KIF3A: variants seen among roughly 807,000 people sequenced by gnomAD.
KIF3A encodes kinesin family member 3A, also known as kinesin-like protein KIF3A.
KIF3A carries 27 observed loss-of-function variants against 92.6 expected under a neutral mutation model. The observed-to-expected ratio is 0.29, with a 90% CI of 0.21 to 0.40. The LOEUF is 0.40. Ranked by LOEUF, KIF3A falls within the 10% of genes least tolerant of loss-of-function variation. The pLI is 1.00. For synonymous variants in KIF3A, 250 were observed against 275.4 expected (o/e 0.91, Z 0.92); for missense variants, 581 against 872.6 (o/e 0.67, Z 4.21).
At chr5:132,699,643 C>T in intron 17 of KIF3A, 4 of 427,344 alleles carry the variant, frequency 9.4e-6, no homozygotes, top group South Asian at 6.8e-5. Context: ...ACTGCAAGCT[C>T]CACCTCCTGG....
rs756540926 is a variant in KIF3A at position 132,724,792 on chromosome 5, T to TAAAAAAA, written c.510+1329_510+1335dup. ...ATGTACCCTAGAACTTAAAGTATAA[T>TAAAAAAA]AAAAAAAAAAAAAAATATATATATA... On this transcript the variant is annotated intron_variant, in intron 4 of 18. Transcript: ENST00000403231. 2.3e-4 allele frequency among the ~76,000 whole-genome samples: 15 copies of TAAAAAAA among 64,342 alleles called. 1 individual carries two copies. The highest frequency in any genetic ancestry group is 3.2e-4 in the African/African-American group (3 of 9,386). The allele number at this position is 64,342 out of a possible 152,430, so 42.2% of individuals were successfully genotyped here.
chr5:132,728,387 T>G (rs936284431), intron 2 of KIF3A, among the ~76,000 whole-genome samples: 12 of 152,218 alleles, frequency 7.9e-5, no homozygotes, highest in Admixed American at 4.6e-4. Flanking sequence ...TTATTTAACT[T>G]TCACCCCAAT....
chr5:132,703,894 T>C (rs1021993132), intron 11 of KIF3A, among the ~76,000 whole-genome samples: 2 of 151,290 alleles, frequency 1.3e-5, no homozygotes, highest in African/African-American at 2.4e-5. Context: ...AGCTAAATAA[T>C]AGGAAAAGAA....
chr5:132,702,849 G>A, intron 13 of KIF3A, 36 bp downstream of exon 13: 1 of 1,591,742 alleles, frequency 6.3e-7, no homozygotes, highest in Non-Finnish European at 8.6e-7. Context: ...AATCTCTCTG[G>A]CAAAATACCA....
In KIF3A at chr5:132,696,448, A is replaced by G. The variant is rs1445460886; in HGVS notation, c.*186T>C. ...AATTTGAACAATCACCAGTTGTACA[A>G]TTTTAATGTTATATTAATATATGTA... On this transcript the variant is annotated 3_prime_UTR_variant, in exon 19 of 19. Transcript: ENST00000403231. The G allele has an allele frequency of 1.8e-6, 1 of 542,332 alleles. No homozygotes were observed. The highest frequency in any genetic ancestry group is 3.3e-6 in the Non-Finnish European group (1 of 299,608). 33.6% of individuals were successfully genotyped at this position (542,332 alleles called of 1,614,324 possible). A position where few individuals can be genotyped will look rare whatever the true frequency, so the allele number is the denominator to read the frequency against.
chr5:132,719,500 CTT>C (rs200854013), intron 5 of KIF3A, among the ~76,000 whole-genome samples: 20 of 151,452 alleles, frequency 1.3e-4, no homozygotes, highest in African/African-American at 4.1e-4. Context: ...TCTAATCCCT[CTT>C]TTTTTCTTTT....
At chr5:132,710,851 A>T (rs1447392994) in intron 9 of KIF3A, 108 bp downstream of exon 9, 3 of 1,449,994 alleles carry the variant, frequency 2.1e-6, no homozygotes, top group Non-Finnish European at 2.8e-6. Flanking sequence ...TTCTGTTCTA[A>T]TTGTTATCTA....
chr5:132,710,272 AGACTAATCT>A (rs1372868289), intron 9 of KIF3A, among the ~76,000 whole-genome samples: 1 of 152,218 alleles, frequency 6.6e-6, no homozygotes, highest in Non-Finnish European at 1.5e-5. Context: ...TGACTTTTAA[AGACTAATCT>A]TGTTTGTGGA....
At chr5:132,713,086 G>A (rs1418379883) in intron 8 of KIF3A, among the ~76,000 whole-genome samples, 1 of 152,154 alleles carries the variant, frequency 6.6e-6, no homozygotes, top group Non-Finnish European at 1.5e-5. Context: ...TGAACAGGGA[G>A]GCAGAGGTTG....
At chr5:132,708,881 T>C (rs1460490586) in intron 10 of KIF3A, 26 bp downstream of exon 10, 5 of 1,495,710 alleles carry the variant, frequency 3.3e-6, no homozygotes, top group Non-Finnish European at 4.6e-6. Flanking sequence ...AAAGCTCTGT[T>C]AGAGAATGTA....
chr5:132,715,473 G>A (rs1189116564), intron 8 of KIF3A, among the ~76,000 whole-genome samples: 2 of 152,008 alleles, frequency 1.3e-5, no homozygotes, highest in Non-Finnish European at 2.9e-5. Context: ...CTTATACAGA[G>A]ACAAATAAAC....
intron 18 of KIF3A, among the ~76,000 whole-genome samples, chr5:132,698,621 C>A (rs1053598752): frequency 1.3e-5 from 2 of 152,002 alleles, no homozygotes; most frequent in African/African-American, 4.8e-5. Flanking sequence ...TTGGAAATAA[C>A]AGAGTGAATT....
At chr5:132,709,611 T>C (rs1273950676) in intron 9 of KIF3A, among the ~76,000 whole-genome samples, 1 of 151,296 alleles carries the variant, frequency 6.6e-6, no homozygotes, top group African/African-American at 2.4e-5. Flanking sequence ...TTTTAACAAA[T>C]CTGTTATCAG....
intron 16 of KIF3A, 94 bp from the exon 17 acceptor site, chr5:132,700,378 T>C (rs1752991391): frequency 2.5e-6 from 2 of 788,470 alleles, no homozygotes; most frequent in East Asian, 2.6e-5. Flanking sequence ...AACATTACAC[T>C]AGTAAAACAT....
At chr5:132,719,620 T>A (rs981446860) in intron 5 of KIF3A, among the ~76,000 whole-genome samples, 1 of 151,818 alleles carries the variant, frequency 6.6e-6, no homozygotes, top group African/African-American at 2.4e-5. Flanking sequence ...GCCTCCCGAG[T>A]AACTGGGATT....
intron 2 of KIF3A, among the ~76,000 whole-genome samples, chr5:132,728,630 G>C (rs530453060): frequency 6.6e-6 from 1 of 151,908 alleles, no homozygotes; most frequent in Non-Finnish European, 1.5e-5. Flanking sequence ...CCAGCTACTC[G>C]GGAAGGTGAA....
chr5:132,719,339 A>G (rs1401821662), intron 5 of KIF3A, among the ~76,000 whole-genome samples: 2 of 152,274 alleles, frequency 1.3e-5, no homozygotes, highest in East Asian at 3.9e-4. Context: ...TAATTTTTCT[A>G]TTAAGATTTG....
chr5:132,718,248 C>T (rs1753701954), intron 5 of KIF3A, among the ~76,000 whole-genome samples: 1 of 152,186 alleles, frequency 6.6e-6, no homozygotes, highest in Non-Finnish European at 1.5e-5. Flanking sequence ...TTTTATCCCC[C>T]CACTGACAAA....
At position 132,693,353 on chromosome 5, in the gene KIF3A, T is replaced by C. The variant is rs907022546; in HGVS notation, c.*3281A>G. 6.6e-5 allele frequency: 10 copies of C among 152,420 alleles called. No homozygotes were observed. Among genetic ancestry groups the C allele is most frequent in the African/African-American group, 2.2e-4 (9 of 41,410 alleles). 9.4% of individuals were successfully genotyped at this position (152,420 alleles called of 1,614,324 possible). ...TTTAACATCCTATTAGTATATGTAA[T>C]TGTAAGGATTATTAAAGAAGATACT... On this transcript the variant is annotated 3_prime_UTR_variant, in exon 19 of 19. Transcript: ENST00000403231.
Sources: gnomAD v4.1 joint callset for allele counts (sites outside exome capture counted in the v4.1 genomes callset) on GRCh38, gnomAD v4.1.1 for gene constraint, MANE v1.5 for transcripts, NCBI Gene and HGNC (gene_info 2026-07-23, HGNC 2026-07-21) for gene names.